The following VAV2 variants were observed in gnomAD, a reference collection of about 807,000 sequenced individuals.
The protein encoded by VAV2 is vav guanine nucleotide exchange factor 2, also known as guanine nucleotide exchange factor VAV2.
Under a neutral mutation model 132.5 loss-of-function variants are expected in VAV2, and 67 were observed. The ratio of observed to expected loss-of-function variants is 0.51; its 90% confidence interval spans 0.42 to 0.62. VAV2 has a LOEUF of 0.62. Ranked by LOEUF, VAV2 falls within the 20% of genes least tolerant of loss-of-function variation. The pLI is 0.00. For missense variants in VAV2, 938 were observed against 1,153.6 expected, an observed-to-expected ratio of 0.81 and a Z score of 2.71; for synonymous variants, 492 against 443.5, an observed-to-expected ratio of 1.11 and a Z score of -1.37.
rs558199588 is a variant in VAV2 at position 133,802,415 on chromosome 9, G to A, written c.836+3666C>T. 2.9e-5 allele frequency among the ~76,000 whole-genome samples: 2 copies of A among 68,386 alleles called. No individual in the cohort carries two copies. The highest frequency in any genetic ancestry group is 5.8e-4 in the East Asian group (1 of 1,712). The allele number at this position is 68,386 out of a possible 152,430, so 44.9% of individuals were successfully genotyped here. A position where few individuals can be genotyped will look rare whatever the true frequency, so the allele number is the denominator to read the frequency against. On this transcript the variant is annotated intron_variant, in intron 9 of 29. Transcript: ENST00000371850. The surrounding 1 kb of genome is among the most constrained non-coding windows in gnomAD (Gnocchi z 5.8). ...CCCAGGGGCAGCCTCCCCCTCCCCC[G>A]CCCCACTCCGGCTGACTCCTCCCCT...
intron 20 of VAV2, 78 bp downstream of exon 20, chr9:133,780,616 T>C (rs1445370486): frequency 7.8e-6 from 10 of 1,285,646 alleles, no homozygotes; most frequent in East Asian, 3.1e-5. Flanking sequence ...AGGCAGACAA[T>C]TGGGTCTTTC....
Position 133,861,417 on chromosome 9 carries a change from A to T in VAV2, c.337T>A (p.Ser113Thr), listed in dbSNP as rs1443070807. The change falls in exon 3 of 30, where the codon TCG becomes ACG. Residue 113 changes from serine (S) to threonine (T), a missense_variant. Transcript: ENST00000371850. ...RDFGKVISAV[S>T]RLSLHSIAQN... ...GCGATGCTGTGCAGGGAGAGCCTCG[A>T]CACCGCGGAGATGACCTGGGGGAGA... is the stretch of plus-strand genomic sequence containing the variant. 1 of 1,613,352 alleles carries T rather than the reference A, an allele frequency of 6.2e-7. No individual in the cohort carries two copies. The highest frequency in any genetic ancestry group is 8.5e-7 in the Non-Finnish European group (1 of 1,179,818).
chr9:133,941,310 C>T (rs1039188922), intron 1 of VAV2, among the ~76,000 whole-genome samples: 4 of 151,582 alleles, frequency 2.6e-5, no homozygotes, highest in African/African-American at 7.3e-5. Flanking sequence ...CGGGAGGCTG[C>T]GGCAAGAGAA....
chr9:133,925,158 G>A (rs117435468), intron 2 of VAV2, among the ~76,000 whole-genome samples: 2,340 of 152,308 alleles, frequency 0.015, 26 homozygotes, highest in South Asian at 0.024. Flanking sequence ...GAATCTGTTC[G>A]ATGCTGCTGA....
chr9:133,980,207 C>T (rs78407138), intron 1 of VAV2, among the ~76,000 whole-genome samples: 7,953 of 152,244 alleles, frequency 0.052, 267 homozygotes, highest in African/African-American at 0.091. Context: ...GCCATTTTGC[C>T]GGTGGAGGGG....
At chr9:133,844,028 AC>A (rs1836831673) in intron 3 of VAV2, among the ~76,000 whole-genome samples, 1 of 152,100 alleles carries the variant, frequency 6.6e-6, no homozygotes, top group African/African-American at 2.4e-5. Flanking sequence ...GAGAGACCCC[AC>A]GTGACCCCCA....
At chr9:133,814,962 C>T (rs1835501058) in intron 4 of VAV2, among the ~76,000 whole-genome samples, 3 of 152,146 alleles carry the variant, frequency 2.0e-5, no homozygotes, top group Admixed American at 6.5e-5. Context: ...GACTCTACGA[C>T]GTGCCCGGCT....
At chr9:133,779,529 G>A (rs1436530725) in intron 21 of VAV2, among the ~76,000 whole-genome samples, 9 of 152,224 alleles carry the variant, frequency 5.9e-5, no homozygotes, top group Non-Finnish European at 1.0e-4. Flanking sequence ...TGCTTTTTAC[G>A]CTGTGTCTAG....
At chr9:133,960,321 T>C (rs561995439) in intron 1 of VAV2, among the ~76,000 whole-genome samples, 32 of 152,200 alleles carry the variant, frequency 2.1e-4, no homozygotes, top group Admixed American at 1.8e-3. Flanking sequence ...TCAGTTTAAA[T>C]TCTCAATCTT....
Position 133,981,543 on chromosome 9 carries a change from C to T in VAV2, c.204+10532G>A, listed in dbSNP as rs191816532. ...AGCCGCCGGGCTCGGGGTGAGGGTG[C>T]CGAGTCCTGAGGCTCAGTGGGCCCT... is the stretch of plus-strand genomic sequence containing the variant. On this transcript the variant is annotated intron_variant, in intron 1 of 29. Coordinates refer to ENST00000371850, the MANE Select transcript of VAV2 (RefSeq NM_001134398.2). Among the ~76,000 whole-genome samples, 11 of 152,364 alleles carry T rather than the reference C, an allele frequency of 7.2e-5. No homozygotes were observed. In the East Asian group the frequency reaches 1.9e-3, roughly 27 times the overall value.
At chr9:133,979,516 G>A (rs547191898) in intron 1 of VAV2, among the ~76,000 whole-genome samples, 10 of 152,326 alleles carry the variant, frequency 6.6e-5, no homozygotes, top group Admixed American at 3.3e-4. Flanking sequence ...GCAGCCGTCC[G>A]GAACTCGGAC....
intron 1 of VAV2, among the ~76,000 whole-genome samples, chr9:133,942,569 G>T (rs775116153): frequency 6.6e-6 from 1 of 152,246 alleles, no homozygotes; most frequent in Non-Finnish European, 1.5e-5. Flanking sequence ...ACTATTTTTT[G>T]AATATGGCTT....
chr9:133,948,210 G>T (rs1405685990), intron 1 of VAV2, among the ~76,000 whole-genome samples: 1 of 152,240 alleles, frequency 6.6e-6, no homozygotes, highest in African/African-American at 2.4e-5. Flanking sequence ...GATTGATTGA[G>T]GAGTGTCACG....
intron 10 of VAV2, 128 bp from the exon 11 acceptor site, chr9:133,796,652 T>G: frequency 1.3e-6 from 1 of 793,144 alleles, no homozygotes; most frequent in Non-Finnish European, 2.0e-6. Context: ...GGCCCTTCTC[T>G]AGCCAGGCTC....
intron 29 of VAV2, among the ~76,000 whole-genome samples, chr9:133,765,211 G>A (rs1054486004): frequency 6.6e-6 from 1 of 152,216 alleles, no homozygotes; most frequent in Admixed American, 6.5e-5. Flanking sequence ...GATAAAACTA[G>A]TACATGAAAG....
chr9:133,829,638 C>T (rs10993816), intron 4 of VAV2, among the ~76,000 whole-genome samples: 19,538 of 152,068 alleles, frequency 0.13, 1,392 homozygotes, highest in Non-Finnish European at 0.17. Flanking sequence ...CTATAACATA[C>T]ATTTTTTTTT....
chr9:133,983,395 G>C (rs1417111232), intron 1 of VAV2, among the ~76,000 whole-genome samples: 1 of 152,170 alleles, frequency 6.6e-6, no homozygotes, highest in East Asian at 1.9e-4. Flanking sequence ...CCCATAGCAA[G>C]AAAGGGCTCA....
At chr9:133,777,487 G>C in intron 22 of VAV2, 24 bp from the exon 23 acceptor site, 1 of 1,611,976 alleles carries the variant, frequency 6.2e-7, no homozygotes, top group Non-Finnish European at 8.5e-7. Context: ...GAGATGGTTA[G>C]GACAAGGGGG....
intron 3 of VAV2, among the ~76,000 whole-genome samples, chr9:133,844,920 C>G (rs1836871028): frequency 6.6e-6 from 1 of 152,278 alleles, no homozygotes; most frequent in Non-Finnish European, 1.5e-5. Flanking sequence ...CTCCCGGGTT[C>G]CTCAGCAGCC....
Sources: allele counts gnomAD v4.1 joint callset (sites outside exome capture counted in the v4.1 genomes callset), GRCh38; gene constraint gnomAD v4.1.1; non-coding constraint Gnocchi (gnomAD v3.1); transcripts MANE v1.5; gene names NCBI Gene and HGNC (gene_info 2026-07-23, HGNC 2026-07-21).